LOC128706665: variants seen among roughly 807,000 people sequenced by gnomAD.
chr20:10,426,789 T>C, the LOC128706665 span, among the ~76,000 whole-genome samples: 1 of 152,314 alleles, frequency 6.6e-6, no homozygotes, highest in East Asian at 1.9e-4. Flanking sequence ...CTTACAGTTC[T>C]GGAGGTAAGA....
chr20:10,427,242 A>G, the LOC128706665 span, among the ~76,000 whole-genome samples: 1 of 152,134 alleles, frequency 6.6e-6, no homozygotes, highest in Admixed American at 6.5e-5. Context: ...GGATGCAGGG[A>G]ATGTTACATC....
the LOC128706665 span, among the ~76,000 whole-genome samples, chr20:10,417,914 A>G: frequency 7.7e-4 from 118 of 152,304 alleles, 1 homozygote; most frequent in Middle Eastern, 0.01. Flanking sequence ...GAATGTGGGA[A>G]ATTTTTTAAA....
the LOC128706665 span, among the ~76,000 whole-genome samples, chr20:10,426,913 T>C: frequency 1.3e-5 from 2 of 152,122 alleles, no homozygotes; most frequent in African/African-American, 4.8e-5. Context: ...TAGTTCTCAG[T>C]ATAGAATGAC....
the LOC128706665 span, among the ~76,000 whole-genome samples, chr20:10,427,063 C>CACACACACAA: frequency 1.4e-5 from 2 of 145,394 alleles, no homozygotes; most frequent in African/African-American, 5.0e-5. Flanking sequence ...CACACACACA[C>CACACACACAA]ACACACACAC....
the LOC128706665 span, among the ~76,000 whole-genome samples, chr20:10,420,361 G>C: frequency 6.6e-6 from 1 of 152,080 alleles, no homozygotes; most frequent in Non-Finnish European, 1.5e-5. Context: ...TCTGCACAAC[G>C]AACTTTTCTA....
At chr20:10,425,896 TAGA>T in the LOC128706665 span, among the ~76,000 whole-genome samples, 1 of 152,196 alleles carries the variant, frequency 6.6e-6, no homozygotes, top group Non-Finnish European at 1.5e-5. Context: ...AAGACTCCTT[TAGA>T]AGGATAGAGA....
the LOC128706665 span, among the ~76,000 whole-genome samples, chr20:10,429,482 C>G: frequency 1.3e-5 from 2 of 152,202 alleles, no homozygotes; most frequent in African/African-American, 4.8e-5. Context: ...TAAACTGCTA[C>G]TGTACACCTT....
the LOC128706665 span, among the ~76,000 whole-genome samples, chr20:10,429,793 G>T: frequency 2.6e-5 from 4 of 152,102 alleles, no homozygotes; most frequent in Non-Finnish European, 5.9e-5. Flanking sequence ...AATTCCAGTA[G>T]TTCTCAAACT....
At chr20:10,427,029 GACACACACACACACAC>G in the LOC128706665 span, among the ~76,000 whole-genome samples, 5,766 of 130,770 alleles carry the variant, frequency 0.044, 170 homozygotes, top group Middle Eastern at 0.068. Flanking sequence ...AGAAAACACT[GACACACACACACACAC>G]ACACACACAC....
chr20:10,427,427 T>TA, the LOC128706665 span, among the ~76,000 whole-genome samples: 8 of 152,218 alleles, frequency 5.3e-5, no homozygotes, highest in Non-Finnish European at 1.0e-4. Flanking sequence ...GATAGAATAT[T>TA]AAAAACCAAT....
the LOC128706665 span, among the ~76,000 whole-genome samples, chr20:10,427,026 A>G: frequency 8.1e-5 from 11 of 135,584 alleles, no homozygotes; most frequent in Non-Finnish European, 1.7e-4. Flanking sequence ...AAAAGAAAAC[A>G]CTGACACACA....
chr20:10,428,214 C>CAA, the LOC128706665 span, among the ~76,000 whole-genome samples: 1 of 152,186 alleles, frequency 6.6e-6, no homozygotes, highest in Admixed American at 6.5e-5. Flanking sequence ...GTCTGAGAAT[C>CAA]CTGTCCCCTT....
the LOC128706665 span, among the ~76,000 whole-genome samples, chr20:10,433,224 C>T: frequency 6.6e-6 from 1 of 152,206 alleles, no homozygotes. Context: ...CTGGCTGGCC[C>T]CAAACTCCTG....
chr20:10,427,147 T>C, the LOC128706665 span, among the ~76,000 whole-genome samples: 1 of 151,284 alleles, frequency 6.6e-6, no homozygotes, highest in Non-Finnish European at 1.5e-5. Flanking sequence ...GATCTAGCCA[T>C]CAGATTATTC....
chr20:10,433,486 A>G, the LOC128706665 span, among the ~76,000 whole-genome samples: 1 of 152,236 alleles, frequency 6.6e-6, no homozygotes, highest in African/African-American at 2.4e-5. Flanking sequence ...GTTTATGGAT[A>G]AACTGAAGAT....
the LOC128706665 span, among the ~76,000 whole-genome samples, chr20:10,416,114 G>A: frequency 6.6e-6 from 1 of 152,150 alleles, no homozygotes; most frequent in East Asian, 1.9e-4. Flanking sequence ...TAGACGAATG[G>A]TCCTGACTAT....
the LOC128706665 span, among the ~76,000 whole-genome samples, chr20:10,419,016 A>G: frequency 6.6e-6 from 1 of 152,166 alleles, no homozygotes; most frequent in Non-Finnish European, 1.5e-5. Flanking sequence ...ATATTAAGCT[A>G]TGCTCTTCCA....
At chr20:10,421,545 G>A in the LOC128706665 span, among the ~76,000 whole-genome samples, 10 of 152,206 alleles carry the variant, frequency 6.6e-5, no homozygotes, top group East Asian at 3.9e-4. Flanking sequence ...TTTCAACTGC[G>A]ATTGCAACAG....
chr20:10,427,012 CAAGAA>C, the LOC128706665 span, among the ~76,000 whole-genome samples: 694 of 111,138 alleles, frequency 6.2e-3, 2 homozygotes, highest in African/African-American at 0.01. Flanking sequence ...GCTTAAAGGC[CAAGAA>C]AAGAAAACAC....
Sources: gnomAD v4.1 joint callset for allele counts (sites outside exome capture counted in the v4.1 genomes callset) on GRCh38, gnomAD v4.1.1 for gene constraint, MANE v1.5 for transcripts.